Variants in ARHGEF4 observed in about 807,000 individuals in gnomAD.
ARHGEF4 encodes APC-stimulated guanine nucleotide exchange factor 1.
Under a neutral mutation model 162.0 loss-of-function variants are expected in ARHGEF4, and 119 were observed. That is an observed-to-expected ratio of 0.73 (90% confidence interval 0.63 to 0.86). The LOEUF (loss-of-function observed/expected upper bound fraction) is 0.86. ARHGEF4 is among the 40% of genes least tolerant of loss of function. ARHGEF4 has a pLI of 0.00. For synonymous variants in ARHGEF4, 1,014 were observed against 979.9 expected (o/e 1.03, Z -0.65); for missense variants, 2,488 against 2,456.0 (o/e 1.01, Z -0.28).
chr2:130,950,124 G>T (rs544171484), intron 4 of ARHGEF4, among the ~76,000 whole-genome samples: 66 of 152,342 alleles, frequency 4.3e-4, no homozygotes, highest in South Asian at 8.3e-4. Context: ...GATGAGGAAG[G>T]CAAGGCTTTC....
chr2:130,884,873 G>A lies in ARHGEF4; in HGVS notation c.40-29113G>A, dbSNP rs944513084. ...TGATTACAAGCTGAGGACTCTTCAG[G>A]ATCTGTGCTAACCAGGAAGAGGCTC... On this transcript the variant is annotated intron_variant, in intron 1 of 13. Transcript: ENST00000409359. Among the ~76,000 whole-genome samples the A allele has an allele frequency of 1.4e-4, 21 of 152,044 alleles. 1 individual carries two copies. The highest frequency in any genetic ancestry group is 2.6e-4 in the Admixed American group (4 of 15,274).
At chr2:130,950,297 T>C (rs1383388441) in intron 4 of ARHGEF4, among the ~76,000 whole-genome samples, 1 of 152,126 alleles carries the variant, frequency 6.6e-6, no homozygotes, top group Non-Finnish European at 1.5e-5. Context: ...GGCAAATCGG[T>C]GTCCAAGATA....
chr2:130,917,233 G>GTCCCAGGCCT lies in ARHGEF4; in HGVS notation c.3288_3297dup (p.Ala1101GlnfsTer3). ...AGACCCACGAGCCCCAAGCCCCTGA[G>GTCCCAGGCCT]TCCCAGGCCTAGTGCTCAGCGGATG... is the stretch of plus-strand genomic sequence containing the variant. On this transcript the variant is annotated frameshift_variant, in exon 2 of 14. Coordinates refer to ENST00000409359, the MANE Select transcript of ARHGEF4 (RefSeq NM_001367493.1). LOFTEE classifies it high-confidence loss of function. 6.4e-7 allele frequency: 1 copy of GTCCCAGGCCT among 1,550,554 alleles called. No homozygotes were observed. The highest frequency in any genetic ancestry group is 8.7e-7 in the Non-Finnish European group (1 of 1,147,004).
intron 5 of ARHGEF4, chr2:131,035,980 C>G: frequency 2.0e-6 from 1 of 500,706 alleles, no homozygotes; most frequent in South Asian, 8.5e-5. Flanking sequence ...ATTTGAGTCT[C>G]AAATGTGCAC....
chr2:130,978,993 A>C (rs1298419769), intron 4 of ARHGEF4, among the ~76,000 whole-genome samples: 1 of 152,166 alleles, frequency 6.6e-6, no homozygotes, highest in Non-Finnish European at 1.5e-5. Context: ...AGAAACCTGC[A>C]CTCACGAGTC....
At chr2:131,006,356 T>A (rs749689405) in intron 4 of ARHGEF4, among the ~76,000 whole-genome samples, 8 of 152,214 alleles carry the variant, frequency 5.3e-5, no homozygotes, top group Non-Finnish European at 1.2e-4. Flanking sequence ...CAAATGTATG[T>A]GCTGTTAAGC....
rs115393407 is a variant in ARHGEF4 at position 131,011,975 on chromosome 2, G to A, written c.3986-15970G>A. ...TAAAGTAAAGGTAGGGCTAGCTGATGGACTTGATGATAAATATGGATGTGA... is the reference window on the plus strand; with the variant it reads ...TAAAGTAAAGGTAGGGCTAGCTGATAGACTTGATGATAAATATGGATGTGA... On this transcript the variant is annotated intron_variant, in intron 4 of 13. Transcript: ENST00000409359. The A allele has an allele frequency of 1.5e-3, 1,022 of 694,932 alleles. 5 individuals are homozygous for A. In the African/African-American group the frequency reaches 0.016, roughly 11 times the overall value. 43.0% of individuals were successfully genotyped at this position (694,932 alleles called of 1,614,324 possible). A position where few individuals can be genotyped will look rare whatever the true frequency, so the allele number is the denominator to read the frequency against.
chr2:130,986,128 G>A (rs752478353), intron 4 of ARHGEF4, among the ~76,000 whole-genome samples: 2 of 151,012 alleles, frequency 1.3e-5, no homozygotes, highest in Non-Finnish European at 2.9e-5. Flanking sequence ...CATGGTGCAT[G>A]TGTATATTGT....
chr2:130,971,002 A>G (rs1043989692), intron 4 of ARHGEF4, among the ~76,000 whole-genome samples: 1 of 152,182 alleles, frequency 6.6e-6, no homozygotes, highest in African/African-American at 2.4e-5. Flanking sequence ...GAGGTCACAG[A>G]GAGTTTCTTT....
chr2:130,942,152 CT>C (rs36087462), intron 3 of ARHGEF4, among the ~76,000 whole-genome samples: 9,675 of 129,576 alleles, frequency 0.075, 305 homozygotes, highest in Non-Finnish European at 0.11. Flanking sequence ...TTTCTTTTTT[CT>C]TTTTTTTTTT....
At chr2:130,845,832 G>A (rs1680920001) in intron 1 of ARHGEF4, among the ~76,000 whole-genome samples, 1 of 152,208 alleles carries the variant, frequency 6.6e-6, no homozygotes, top group Admixed American at 6.5e-5. Flanking sequence ...AGGGAACCAG[G>A]CCCAGTGGCA....
rs574531062 is a variant in ARHGEF4 at position 130,962,769 on chromosome 2, C to A, written c.3985+16134C>A. ...TGCTGCTTACACTAGAAGCAGCCCC[C>A]AAGGGCTTTGGGGGAATGATAATGC... On this transcript the variant is annotated intron_variant, in intron 4 of 13. Transcript: ENST00000409359. Among the ~76,000 whole-genome samples the A allele has an allele frequency of 4.0e-5, 6 of 148,438 alleles. No individual in the cohort carries two copies. In the East Asian group the frequency reaches 6.0e-4, roughly 15 times the overall value.
At chr2:131,043,145 C>A (rs1690950572) in intron 10 of ARHGEF4, among the ~76,000 whole-genome samples, 1 of 152,206 alleles carries the variant, frequency 6.6e-6, no homozygotes, top group Admixed American at 6.5e-5. Context: ...TACATTATTT[C>A]ATATGAAGTC....
chr2:130,961,699 A>G (rs1046870180), intron 4 of ARHGEF4, among the ~76,000 whole-genome samples: 1 of 152,068 alleles, frequency 6.6e-6, no homozygotes, highest in African/African-American at 2.4e-5. Context: ...GGTGGTAGCA[A>G]TGGAGTAAGA....
intron 1 of ARHGEF4, among the ~76,000 whole-genome samples, chr2:130,910,071 G>A (rs991291685): frequency 9.2e-5 from 14 of 152,240 alleles, no homozygotes; most frequent in African/African-American, 3.4e-4. Flanking sequence ...GTGGGGTTAG[G>A]GGAGGGATAG....
chr2:130,908,697 T>A (rs111855511), intron 1 of ARHGEF4, among the ~76,000 whole-genome samples: 2,439 of 148,276 alleles, frequency 0.016, 67 homozygotes, highest in African/African-American at 0.056. Context: ...TAATAAAATT[T>A]AAAAAAAAAA....
chr2:131,020,502 C>G (rs1573629754), intron 4 of ARHGEF4, among the ~76,000 whole-genome samples: 1 of 152,174 alleles, frequency 6.6e-6, no homozygotes, highest in East Asian at 1.9e-4. Context: ...ATCCATGTCC[C>G]TTTACAAAGG....
At chr2:131,044,179 G>A in intron 11 of ARHGEF4, 120 bp from the exon 12 acceptor site, 7 of 1,425,462 alleles carry the variant, frequency 4.9e-6, no homozygotes, top group Non-Finnish European at 6.7e-6. Context: ...CTCACTGTCT[G>A]CTGGGGAGGT....
rs778693388 is a variant in ARHGEF4, at chr2:130,917,338, G to A, written c.3392G>A (p.Gly1131Glu). ...GSYSYVDSSS[G>E]DPERPKIPKG... ...TACAGCTACGTGGACAGCAGTTCAGGGGACCCTGAAAGACCCAAGATTCCC... is the reference window on the plus strand; with the variant it reads ...TACAGCTACGTGGACAGCAGTTCAGAGGACCCTGAAAGACCCAAGATTCCC... The change falls in exon 2 of 14, where the codon GGG becomes GAG. Residue 1131 changes from glycine (G) to glutamate (E), a missense_variant. Physicochemically the swap from Gly to Glu is moderately conservative, Grantham distance 98. Transcript: ENST00000409359. 1 of 1,550,528 alleles carries A rather than the reference G, an allele frequency of 6.4e-7. No homozygotes were observed. Among genetic ancestry groups the A allele is most frequent in the South Asian group, 1.2e-5 (1 of 84,056 alleles).
Sources: gnomAD v4.1 joint callset for allele counts (sites outside exome capture counted in the v4.1 genomes callset) on GRCh38, gnomAD v4.1.1 for gene constraint, MANE v1.5 for transcripts, NCBI Gene and HGNC (gene_info 2026-07-23, HGNC 2026-07-21) for gene names.